Variants in STK3 observed in about 807,000 individuals in gnomAD.
STK3 encodes the protein serine/threonine-protein kinase 3.
STK3 carries 41 observed loss-of-function variants against 58.0 expected under a neutral mutation model. The observed-to-expected ratio is 0.71, with a 90% CI of 0.55 to 0.92. STK3 has a LOEUF of 0.92. Among genes scored for constraint, STK3 ranks in the 40% least tolerant of loss-of-function variants. The pLI, the probability that STK3 is intolerant of heterozygous loss-of-function variation, is 0.00. For missense variants in STK3, 479 were observed against 602.7 expected (o/e 0.79, Z 2.15); for synonymous variants, 170 against 191.0 (o/e 0.89, Z 0.91).
intron 6 of STK3, among the ~76,000 whole-genome samples, chr8:98,687,891 C>T (rs1824119233): frequency 6.6e-6 from 1 of 152,188 alleles, no homozygotes; most frequent in South Asian, 2.1e-4. Flanking sequence ...AAGCAACTAG[C>T]TAACAACCCT....
intron 6 of STK3, among the ~76,000 whole-genome samples, chr8:98,680,672 T>C (rs1823565813): frequency 6.6e-6 from 1 of 152,194 alleles, no homozygotes; most frequent in Non-Finnish European, 1.5e-5. Context: ...CGATAAAGGC[T>C]GAAAGTAAAG....
chr8:98,608,387 TATTCTATA>T, intron 6 of STK3, among the ~76,000 whole-genome samples: 1 of 152,318 alleles, frequency 6.6e-6, no homozygotes, highest in Admixed American at 6.5e-5. Flanking sequence ...TGAAAACCAC[TATTCTATA>T]GTGAATGCAA....
chr8:98,698,249 A>T (rs554900391), intron 6 of STK3, among the ~76,000 whole-genome samples: 10 of 151,292 alleles, frequency 6.6e-5, no homozygotes, highest in African/African-American at 1.7e-4. Flanking sequence ...TTTTGAGCCT[A>T]TGTGTGTCTC....
At chr8:98,351,869 C>T in the STK3 span, among the ~76,000 whole-genome samples, 1 of 152,134 alleles carries the variant, frequency 6.6e-6, no homozygotes, top group Non-Finnish European at 1.5e-5. Context: ...TTAAAGACTA[C>T]TGGGGTTTGG....
intron 3 of STK3, among the ~76,000 whole-genome samples, chr8:98,408,062 C>T (rs940059783): frequency 1.3e-5 from 2 of 152,200 alleles, no homozygotes; most frequent in African/African-American, 4.8e-5. Flanking sequence ...CCAGAACTCA[C>T]CACTGGCAGG....
intron 3 of STK3, among the ~76,000 whole-genome samples, chr8:98,754,502 C>T (rs1230716289): frequency 2.0e-5 from 3 of 146,752 alleles, no homozygotes; most frequent in African/African-American, 7.4e-5. Flanking sequence ...AAAAAAAAAA[C>T]TCTCTCTCTC....
chr8:98,617,498 C>T (rs1490348993), intron 6 of STK3, among the ~76,000 whole-genome samples: 13 of 146,192 alleles, frequency 8.9e-5, no homozygotes, highest in East Asian at 4.0e-4. Context: ...CACAAAAAAC[C>T]CTTCAAAAAA....
intron 10 of STK3, among the ~76,000 whole-genome samples, chr8:98,465,142 T>C (rs1185055193): frequency 6.6e-6 from 1 of 152,184 alleles, no homozygotes; most frequent in East Asian, 1.9e-4. Flanking sequence ...TCCTGTACAC[T>C]AAGTCATTGA....
chr8:98,347,140 C>G, the STK3 span, among the ~76,000 whole-genome samples: 1 of 151,480 alleles, frequency 6.6e-6, no homozygotes, highest in South Asian at 2.1e-4. Flanking sequence ...TATTATAAAC[C>G]CTATAGCAGC....
intron 9 of STK3, among the ~76,000 whole-genome samples, chr8:98,544,452 A>G (rs1810530018): frequency 6.6e-6 from 1 of 152,160 alleles, no homozygotes; most frequent in African/African-American, 2.4e-5. Flanking sequence ...AATTCTGATT[A>G]CTGTATATTA....
chr8:98,597,898 C>A, intron 6 of STK3: 1 of 983,638 alleles, frequency 1.0e-6, no homozygotes, highest in Non-Finnish European at 1.2e-6. Flanking sequence ...CTGCAAATAA[C>A]CTAATTAATC....
chr8:98,480,507 G>A (rs1453648778), intron 10 of STK3, among the ~76,000 whole-genome samples: 3 of 152,124 alleles, frequency 2.0e-5, no homozygotes, highest in African/African-American at 7.2e-5. Context: ...TAATATTGGA[G>A]GGGGAAGCAT....
chr8:98,522,629 C>T (rs1434499693), intron 10 of STK3, among the ~76,000 whole-genome samples: 6 of 152,258 alleles, frequency 3.9e-5, no homozygotes, highest in African/African-American at 1.4e-4. Flanking sequence ...CACTCTCATA[C>T]AAGCATCACT....
At chr8:98,616,908 CAG>C (rs1450842931) in intron 6 of STK3, among the ~76,000 whole-genome samples, 2 of 151,958 alleles carry the variant, frequency 1.3e-5, no homozygotes, top group Admixed American at 6.6e-5. Context: ...ATCAACGAGA[CAG>C]AAAGTCAACA....
At chr8:98,757,459 G>A (rs1447632780) in intron 3 of STK3, among the ~76,000 whole-genome samples, 1 of 150,452 alleles carries the variant, frequency 6.6e-6, no homozygotes, top group African/African-American at 2.4e-5. Flanking sequence ...GCCGGGCCTG[G>A]TGGCATGCAC....
At chr8:98,851,423 A>G (rs1268454001) in intron 3 of STK3, among the ~76,000 whole-genome samples, 1 of 152,212 alleles carries the variant, frequency 6.6e-6, no homozygotes, top group African/African-American at 2.4e-5. Context: ...GGGCCTTCAG[A>G]TATGACCATT....
intron 7 of STK3, among the ~76,000 whole-genome samples, chr8:98,592,795 A>T: frequency 6.6e-6 from 1 of 151,216 alleles, no homozygotes; most frequent in African/African-American, 2.4e-5. Flanking sequence ...ACAGAGTCTC[A>T]CTCTGTTGTC....
chr8:98,582,363 GC>G (rs1813991556), intron 7 of STK3, among the ~76,000 whole-genome samples: 1 of 151,344 alleles, frequency 6.6e-6, no homozygotes, highest in South Asian at 2.1e-4. Flanking sequence ...TCCGTTTTTT[GC>G]CATTCATGCA....
chr8:98,652,483 A>G (rs1821039669), intron 6 of STK3, among the ~76,000 whole-genome samples: 1 of 151,582 alleles, frequency 6.6e-6, no homozygotes, highest in South Asian at 2.1e-4. Context: ...ACATAACAAT[A>G]TTAACTTTAA....
Sources: gnomAD v4.1 joint callset for allele counts (sites outside exome capture counted in the v4.1 genomes callset) on GRCh38, gnomAD v4.1.1 for gene constraint, MANE v1.5 for transcripts, NCBI Gene and HGNC (gene_info 2026-07-23, HGNC 2026-07-21) for gene names.